The following ADGRL2 variants were observed in gnomAD, a reference collection of about 807,000 sequenced individuals.
ADGRL2 encodes adhesion G protein-coupled receptor L2, also known as calcium-independent alpha-latrotoxin receptor 2.
A neutral mutation model predicts 157.4 loss-of-function variants in ADGRL2; 44 were observed. That is an observed-to-expected ratio of 0.28 (90% CI 0.22 to 0.36). The LOEUF (loss-of-function observed/expected upper bound fraction) is 0.36. Among genes scored for constraint, ADGRL2 ranks in the 10% least tolerant of loss-of-function variants. ADGRL2 has a pLI of 1.00. For synonymous variants in ADGRL2, 585 were observed against 624.7 expected, an observed-to-expected ratio of 0.94 and a Z score of 0.95; for missense variants, 1,510 against 1,768.9, an observed-to-expected ratio of 0.85 and a Z score of 2.63.
intron 1 of ADGRL2, among the ~76,000 whole-genome samples, chr1:81,337,405 G>A (rs140281342): frequency 6.6e-6 from 1 of 152,088 alleles, no homozygotes; most frequent in Non-Finnish European, 1.5e-5. Flanking sequence ...GCCCCGAAGC[G>A]CTCATCCCAG....
chr1:81,899,499 G>GA (rs535676895), intron 2 of ADGRL2, among the ~76,000 whole-genome samples: 6 of 152,120 alleles, frequency 3.9e-5, no homozygotes, highest in Non-Finnish European at 8.8e-5. Flanking sequence ...AGCTTGGGGG[G>GA]AAAAACTGTC....
At chr1:81,343,655 G>T (rs1035530303) in intron 1 of ADGRL2, among the ~76,000 whole-genome samples, 1 of 152,058 alleles carries the variant, frequency 6.6e-6, no homozygotes, top group Non-Finnish European at 1.5e-5. Context: ...GCACATGGCT[G>T]TCTTTTCACC....
chr1:81,893,060 T>C (rs944869665), intron 2 of ADGRL2, among the ~76,000 whole-genome samples: 3 of 152,188 alleles, frequency 2.0e-5, no homozygotes, highest in Non-Finnish European at 2.9e-5. Flanking sequence ...TTCAAAACCT[T>C]ATCTATTTTT....
At chr1:81,680,072 A>G (rs1289320248) in intron 3 of ADGRL2, among the ~76,000 whole-genome samples, 1 of 152,202 alleles carries the variant, frequency 6.6e-6, no homozygotes, top group Admixed American at 6.5e-5. Flanking sequence ...AAATAGTGTA[A>G]AGTTACACCA....
intron 3 of ADGRL2, among the ~76,000 whole-genome samples, chr1:81,917,196 C>A (rs2094876682): frequency 6.6e-6 from 1 of 151,866 alleles, no homozygotes; most frequent in South Asian, 2.1e-4. Flanking sequence ...ATTAATTTTC[C>A]ATATATCCTA....
chr1:81,748,633 T>C (rs566835251), intron 1 of ADGRL2, among the ~76,000 whole-genome samples: 2 of 151,704 alleles, frequency 1.3e-5, no homozygotes, highest in African/African-American at 4.8e-5. Context: ...TTTTTGTCTA[T>C]CTCAGTCTCT....
rs1487679720 is a variant in ADGRL2 at position 81,836,929 on chromosome 1, G to A, written c.-56G>A. On this transcript the variant is annotated 5_prime_UTR_variant, in exon 2 of 24. Transcript: ENST00000686636. ...AGACTGATGGTTTTGATGAAGCTGG[G>A]CATTTATAACTAGATTCATTAAGGA... 5 of 999,364 alleles carry A rather than the reference G, an allele frequency of 5.0e-6. No individual in the cohort carries two copies. The highest frequency in any genetic ancestry group is 2.7e-5 in the East Asian group (1 of 37,404). The allele number at this position is 999,364 out of a possible 1,614,324, so 61.9% of individuals were successfully genotyped here.
chr1:81,904,207 GATATAT>G (rs138543115), intron 2 of ADGRL2, among the ~76,000 whole-genome samples: 1 of 151,360 alleles, frequency 6.6e-6, no homozygotes, highest in Non-Finnish European at 1.5e-5. Context: ...TAGCAGGGTA[GATATAT>G]ATATATACTA....
chr1:81,914,851 T>C (rs1387899578), intron 3 of ADGRL2, among the ~76,000 whole-genome samples: 3 of 152,168 alleles, frequency 2.0e-5, no homozygotes, highest in African/African-American at 7.2e-5. Context: ...GTATACCTAA[T>C]TGGACACATA....
At chr1:81,903,863 A>G (rs1283169987) in intron 2 of ADGRL2, among the ~76,000 whole-genome samples, 1 of 149,394 alleles carries the variant, frequency 6.7e-6, no homozygotes, top group Non-Finnish European at 1.5e-5. Flanking sequence ...GGTTGGAAAT[A>G]CAGACTTTAG....
At chr1:81,543,473 C>T (rs908536614) in intron 2 of ADGRL2, among the ~76,000 whole-genome samples, 3 of 152,176 alleles carry the variant, frequency 2.0e-5, no homozygotes, top group African/African-American at 7.2e-5. Flanking sequence ...TATAAGCCAC[C>T]CATTTACAGT....
At chr1:81,610,769 T>G (rs777349000) in intron 3 of ADGRL2, among the ~76,000 whole-genome samples, 1 of 152,106 alleles carries the variant, frequency 6.6e-6, no homozygotes, top group Non-Finnish European at 1.5e-5. Context: ...GAGGATATCT[T>G]TGGACATAGA....
intron 2 of ADGRL2, chr1:81,557,292 T>C: frequency 5.1e-6 from 1 of 196,426 alleles, no homozygotes; most frequent in Admixed American, 5.2e-5. Flanking sequence ...CCACTGTAAC[T>C]CATTCCTTAG....
At chr1:81,569,683 A>G (rs2080642616) in intron 2 of ADGRL2, among the ~76,000 whole-genome samples, 1 of 152,138 alleles carries the variant, frequency 6.6e-6, no homozygotes, top group Admixed American at 6.6e-5. Flanking sequence ...GGTGGTGCAC[A>G]TCTGTAGTCC....
intron 1 of ADGRL2, among the ~76,000 whole-genome samples, chr1:81,390,704 C>T (rs544580157): frequency 2.6e-5 from 4 of 152,212 alleles, no homozygotes; most frequent in African/African-American, 9.7e-5. Flanking sequence ...TTGATCTTCT[C>T]TCTTAATATA....
intron 2 of ADGRL2, among the ~76,000 whole-genome samples, chr1:81,896,047 T>A (rs150483881): frequency 6.6e-5 from 10 of 152,298 alleles, no homozygotes; most frequent in Admixed American, 1.3e-4. Context: ...AGTGAATTAA[T>A]GAAATTTCTA....
At chr1:81,654,695 C>T (rs1439664281) in intron 3 of ADGRL2, among the ~76,000 whole-genome samples, 1 of 152,194 alleles carries the variant, frequency 6.6e-6, no homozygotes, top group African/African-American at 2.4e-5. Context: ...TTGAGTCCTT[C>T]CTCTGTACCT....
intron 2 of ADGRL2, among the ~76,000 whole-genome samples, chr1:81,880,668 G>GC (rs1365353925): frequency 1.5e-5 from 2 of 134,770 alleles, no homozygotes; most frequent in Non-Finnish European, 3.2e-5. Flanking sequence ...CCCTCCCACC[G>GC]CCCCCCGCCC....
chr1:81,518,797 CAA>C (rs202132760), intron 2 of ADGRL2, among the ~76,000 whole-genome samples: 37 of 108,062 alleles, frequency 3.4e-4, no homozygotes, highest in Admixed American at 3.0e-4. Flanking sequence ...GACCTTGTCT[CAA>C]AAAAAAAAAA....
Sources: allele counts gnomAD v4.1 joint callset (sites outside exome capture counted in the v4.1 genomes callset), GRCh38; gene constraint gnomAD v4.1.1; transcripts MANE v1.5; gene names NCBI Gene and HGNC (gene_info 2026-07-23, HGNC 2026-07-21).